The following KCNJ6 variants were observed in gnomAD, a reference collection of about 807,000 sequenced individuals.
The protein encoded by KCNJ6 is potassium inwardly rectifying channel subfamily J member 6, also known as G protein-activated inward rectifier potassium channel 2.
KCNJ6 carries 9 observed loss-of-function variants against 34.2 expected under a neutral mutation model. That is an observed-to-expected ratio of 0.26 (90% CI 0.16 to 0.46). The LOEUF is 0.46. KCNJ6 is among the 20% of genes least tolerant of loss of function. KCNJ6 has a pLI of 1.00. For missense variants in KCNJ6, 236 were observed against 531.3 expected (o/e 0.44, Z 5.46); for synonymous variants, 196 against 207.1 (o/e 0.95, Z 0.46).
intron 1 of KCNJ6, among the ~76,000 whole-genome samples, chr21:37,866,972 G>A (rs1472592577): frequency 6.6e-6 from 1 of 152,212 alleles, no homozygotes; most frequent in Non-Finnish European, 1.5e-5. Flanking sequence ...TGATGGCAGT[G>A]CAGTTATAAT....
intron 3 of KCNJ6, among the ~76,000 whole-genome samples, chr21:37,659,502 T>C (rs917073747): frequency 2.6e-5 from 4 of 151,822 alleles, no homozygotes; most frequent in Non-Finnish European, 5.9e-5. Context: ...GAGAAGAAGA[T>C]GAGAATGGAA....
At chr21:37,913,852 T>C (rs980506267) in intron 1 of KCNJ6, among the ~76,000 whole-genome samples, 2 of 152,120 alleles carry the variant, frequency 1.3e-5, no homozygotes, top group African/African-American at 4.8e-5. Context: ...CTTGGTTGGC[T>C]GGCCTCTCGC....
intron 2 of KCNJ6, among the ~76,000 whole-genome samples, chr21:37,756,638 A>C (rs75734049): frequency 1.4e-5 from 2 of 140,522 alleles, no homozygotes; most frequent in African/African-American, 2.7e-5. Context: ...CAGAGTGAGC[A>C]CTCCCTCACA....
chr21:37,637,279 G>A (rs1326236525), intron 3 of KCNJ6, among the ~76,000 whole-genome samples: 1 of 152,156 alleles, frequency 6.6e-6, no homozygotes, highest in Non-Finnish European at 1.5e-5. Flanking sequence ...GATGAGCCCT[G>A]CCCTAGGCTC....
At chr21:37,853,277 A>T (rs1381999650) in intron 1 of KCNJ6, among the ~76,000 whole-genome samples, 1 of 152,154 alleles carries the variant, frequency 6.6e-6, no homozygotes, top group Non-Finnish European at 1.5e-5. Flanking sequence ...TCATGAAAGC[A>T]GCCAGGGAGA....
chr21:37,775,626 G>A (rs1224325533), intron 2 of KCNJ6, among the ~76,000 whole-genome samples: 1 of 152,034 alleles, frequency 6.6e-6, no homozygotes, highest in African/African-American at 2.4e-5. Flanking sequence ...CCCATTTCCT[G>A]TTTTTATCAG....
intron 2 of KCNJ6, among the ~76,000 whole-genome samples, chr21:37,743,886 T>C (rs560370466): frequency 2.0e-4 from 31 of 152,198 alleles, no homozygotes; most frequent in African/African-American, 7.0e-4. Flanking sequence ...ATAATACTTC[T>C]ACACACTTTG....
chr21:37,802,815 G>A (rs2055275522), intron 2 of KCNJ6, among the ~76,000 whole-genome samples: 1 of 152,174 alleles, frequency 6.6e-6, no homozygotes, highest in Non-Finnish European at 1.5e-5. Context: ...GAGACCATGG[G>A]CAAACAGACC....
At chr21:37,725,235 A>G (rs927563149) in intron 2 of KCNJ6, among the ~76,000 whole-genome samples, 4 of 152,204 alleles carry the variant, frequency 2.6e-5, no homozygotes, top group African/African-American at 9.7e-5. Flanking sequence ...TCTATTAAAA[A>G]TACAAAAATT....
At chr21:37,833,849 C>T (rs1024602331) in intron 2 of KCNJ6, among the ~76,000 whole-genome samples, 1 of 152,134 alleles carries the variant, frequency 6.6e-6, no homozygotes, top group Non-Finnish European at 1.5e-5. Flanking sequence ...AAGCCTGTGC[C>T]TAACAATGGA....
intron 3 of KCNJ6, among the ~76,000 whole-genome samples, chr21:37,701,659 G>T (rs909175758): frequency 6.6e-6 from 1 of 152,084 alleles, no homozygotes; most frequent in Non-Finnish European, 1.5e-5. Context: ...ATGTCAGCTG[G>T]CCATGAGTGC....
intron 2 of KCNJ6, among the ~76,000 whole-genome samples, chr21:37,758,078 G>A (rs35142630): frequency 0.28 from 43,108 of 151,738 alleles, 6,207 homozygotes; most frequent in Middle Eastern, 0.34. Flanking sequence ...TGGTTTAGTG[G>A]AGGGGGAGAG....
intron 2 of KCNJ6, among the ~76,000 whole-genome samples, chr21:37,744,079 G>A (rs985127490): frequency 2.1e-5 from 3 of 145,216 alleles, no homozygotes; most frequent in African/African-American, 5.1e-5. Flanking sequence ...ACCAAACACC[G>A]CATGTTCTCA....
chr21:37,642,676 A>G (rs577928696), intron 3 of KCNJ6, among the ~76,000 whole-genome samples: 8 of 152,040 alleles, frequency 5.3e-5, no homozygotes, highest in Non-Finnish European at 1.2e-4. Context: ...GCATCCGACC[A>G]TGTTTAAACA....
rs555383172 is a variant in KCNJ6, at chr21:37,649,677, T to C, written c.947-24193A>G. 1.8e-3 allele frequency among the ~76,000 whole-genome samples: 268 copies of C among 152,342 alleles called. 1 individual carries two copies. Among genetic ancestry groups the C allele is most frequent in the African/African-American group, 5.4e-3 (224 of 41,574 alleles). ...CAGCCTGGGTTCTGATCTAGCCACATTGATAATGAATGTTCCTTTTGATAC... is the reference window on the plus strand; with the variant it reads ...CAGCCTGGGTTCTGATCTAGCCACACTGATAATGAATGTTCCTTTTGATAC... On this transcript the variant is annotated intron_variant, in intron 3 of 3. Coordinates refer to ENST00000609713, the MANE Select transcript of KCNJ6 (RefSeq NM_002240.5).
At chr21:37,691,631 C>T (rs2054640167) in intron 3 of KCNJ6, among the ~76,000 whole-genome samples, 1 of 152,206 alleles carries the variant, frequency 6.6e-6, no homozygotes, top group South Asian at 2.1e-4. Context: ...TCAGCCACTG[C>T]TCAGTGATTA....
intron 1 of KCNJ6, among the ~76,000 whole-genome samples, chr21:37,881,721 G>A (rs1351688714): frequency 2.6e-5 from 4 of 152,068 alleles, no homozygotes; most frequent in African/African-American, 9.7e-5. Context: ...CCCTCATGAT[G>A]GGCCCCACCT....
intron 2 of KCNJ6, among the ~76,000 whole-genome samples, chr21:37,741,881 T>C (rs2054942946): frequency 6.6e-6 from 1 of 152,204 alleles, no homozygotes; most frequent in African/African-American, 2.4e-5. Context: ...CCAGAACTCT[T>C]TGGGTTGTGG....
chr21:37,888,443 AT>A (rs757478942), intron 1 of KCNJ6, among the ~76,000 whole-genome samples: 2 of 152,210 alleles, frequency 1.3e-5, no homozygotes, highest in African/African-American at 2.4e-5. Flanking sequence ...GGCCAGATGG[AT>A]TTTTTTTAAG....
Sources: allele counts gnomAD v4.1 joint callset (sites outside exome capture counted in the v4.1 genomes callset), GRCh38; gene constraint gnomAD v4.1.1; transcripts MANE v1.5; gene names NCBI Gene and HGNC (gene_info 2026-07-23, HGNC 2026-07-21).